Variants in REDIC1 observed in about 807,000 individuals in gnomAD.
REDIC1 encodes HEI10 Interacting Protein 1.
chr12:39,684,937 A>G, the REDIC1 span: 2 of 1,597,040 alleles, frequency 1.3e-6, no homozygotes, highest in Admixed American at 3.4e-5. Flanking sequence ...GGTAAAGCAC[A>G]GTCTCACATT....
At chr12:39,677,656 A>G in the REDIC1 span, among the ~76,000 whole-genome samples, 1 of 152,214 alleles carries the variant, frequency 6.6e-6, no homozygotes, top group East Asian at 1.9e-4. Flanking sequence ...TCATCAGCAC[A>G]TGGAACATTC....
chr12:39,847,516 C>T, the REDIC1 span, among the ~76,000 whole-genome samples: 1 of 152,062 alleles, frequency 6.6e-6, no homozygotes, highest in Admixed American at 6.6e-5. Flanking sequence ...TTCTGCCTTT[C>T]CTTCTGGCTT....
chr12:39,828,069 C>A, the REDIC1 span, among the ~76,000 whole-genome samples: 1 of 152,038 alleles, frequency 6.6e-6, no homozygotes, highest in Admixed American at 6.6e-5. Context: ...AATCAACCAA[C>A]AAAAATACTA....
At chr12:39,760,298 A>G in the REDIC1 span, 2 of 1,519,024 alleles carry the variant, frequency 1.3e-6, no homozygotes, top group Non-Finnish European at 1.8e-6. Context: ...ATATAGAGAG[A>G]GGCTTAAGTT....
At chr12:39,647,035 A>G in the REDIC1 span, 3 of 534,812 alleles carry the variant, frequency 5.6e-6, no homozygotes, top group African/African-American at 3.9e-5. Context: ...TGAGAAATCT[A>G]TGCCTTAAGA....
chr12:39,714,718 C>T, the REDIC1 span, among the ~76,000 whole-genome samples: 1 of 151,724 alleles, frequency 6.6e-6, no homozygotes, highest in African/African-American at 2.4e-5. Context: ...ACTCCCATAC[C>T]AACATCTACA....
At chr12:39,682,564 A>C in the REDIC1 span, 1 of 1,405,350 alleles carries the variant, frequency 7.1e-7, no homozygotes. Flanking sequence ...TCTAAATGCA[A>C]ATAATCCATG....
chr12:39,810,093 C>T, the REDIC1 span, among the ~76,000 whole-genome samples: 1 of 152,298 alleles, frequency 6.6e-6, no homozygotes, highest in Non-Finnish European at 1.5e-5. Flanking sequence ...CTGACTTCCA[C>T]AATGGTTGGA....
the REDIC1 span, among the ~76,000 whole-genome samples, chr12:39,831,031 T>C: frequency 6.6e-6 from 1 of 152,178 alleles, no homozygotes; most frequent in African/African-American, 2.4e-5. Flanking sequence ...ATCATGCTTA[T>C]AGAATGAGTT....
the REDIC1 span, among the ~76,000 whole-genome samples, chr12:39,825,103 C>G: frequency 1.3e-5 from 2 of 152,108 alleles, no homozygotes; most frequent in African/African-American, 4.8e-5. Flanking sequence ...AATAGGGAAT[C>G]TATCTAGCTA....
chr12:39,840,242 G>T, the REDIC1 span, among the ~76,000 whole-genome samples: 3 of 151,852 alleles, frequency 2.0e-5, no homozygotes, highest in Non-Finnish European at 4.4e-5. Context: ...ATGTTGGCCA[G>T]CCACCACGCC....
chr12:39,896,252 G>A, the REDIC1 span, among the ~76,000 whole-genome samples: 2 of 84,400 alleles, frequency 2.4e-5, no homozygotes, highest in Non-Finnish European at 5.1e-5. Context: ...ATGTATACAT[G>A]TATGTATATG....
the REDIC1 span, chr12:39,755,101 GATTTTA>G: frequency 2.0e-5 from 3 of 151,720 alleles, no homozygotes; most frequent in Non-Finnish European, 4.4e-5. Context: ...TTTAAAAAAA[GATTTTA>G]ATTTTATGTA....
At chr12:39,682,897 G>A in the REDIC1 span, 2 of 1,612,714 alleles carry the variant, frequency 1.2e-6, no homozygotes, top group Non-Finnish European at 1.7e-6. Flanking sequence ...GTGTGATTAT[G>A]ATAGTATGGG....
At chr12:39,674,274 G>C in the REDIC1 span, among the ~76,000 whole-genome samples, 3 of 151,976 alleles carry the variant, frequency 2.0e-5, no homozygotes, top group African/African-American at 7.3e-5. Flanking sequence ...TAAATTTCTT[G>C]TTGGCAATAA....
At chr12:39,663,817 C>T in the REDIC1 span, among the ~76,000 whole-genome samples, 6 of 151,906 alleles carry the variant, frequency 3.9e-5, no homozygotes, top group African/African-American at 1.4e-4. Context: ...AAAAAGTCAC[C>T]AAGCAATTCT....
At chr12:39,753,725 C>T in the REDIC1 span, among the ~76,000 whole-genome samples, 29 of 152,252 alleles carry the variant, frequency 1.9e-4, 1 homozygote, top group East Asian at 5.2e-3. Flanking sequence ...ATGATGAAAA[C>T]AAAAGCTAAC....
chr12:39,711,519 G>C, the REDIC1 span, among the ~76,000 whole-genome samples: 1 of 133,878 alleles, frequency 7.5e-6, no homozygotes, highest in Non-Finnish European at 1.6e-5. Flanking sequence ...GTGTATATAT[G>C]TGTATATGTG....
the REDIC1 span, among the ~76,000 whole-genome samples, chr12:39,765,971 C>A: frequency 1.3e-5 from 2 of 152,060 alleles, no homozygotes; most frequent in Admixed American, 6.6e-5. Flanking sequence ...TGTGAAAACA[C>A]GCAGTGTGTG....
Sources: allele counts gnomAD v4.1 joint callset (sites outside exome capture counted in the v4.1 genomes callset), GRCh38; gene constraint gnomAD v4.1.1; transcripts MANE v1.5; gene names NCBI Gene and HGNC (gene_info 2026-07-23, HGNC 2026-07-21).